Variants in IL6ST observed in about 807,000 individuals in gnomAD.
The protein encoded by IL6ST is interleukin-6 receptor subunit beta.
Under a neutral mutation model 91.3 loss-of-function variants are expected in IL6ST, and 24 were observed. The observed-to-expected ratio is 0.26, with a 90% CI of 0.19 to 0.37. The LOEUF is 0.37. Ranked by LOEUF, IL6ST falls within the 10% of genes least tolerant of loss-of-function variation. IL6ST has a pLI of 1.00. For synonymous variants in IL6ST, 351 were observed against 373.6 expected (o/e 0.94, Z 0.70); for missense variants, 914 against 1,078.5 (o/e 0.85, Z 2.14).
chr5:55,979,243 A>C (rs1182143965), intron 2 of IL6ST, among the ~76,000 whole-genome samples: 1 of 152,192 alleles, frequency 6.6e-6, no homozygotes, highest in Non-Finnish European at 1.5e-5. Flanking sequence ...AAAATTTTAA[A>C]AGAGAAAAAA....
intron 3 of IL6ST, among the ~76,000 whole-genome samples, chr5:55,970,270 G>A (rs11574767): frequency 0.014 from 2,146 of 152,276 alleles, 51 homozygotes; most frequent in African/African-American, 0.049. Flanking sequence ...GTGGAGTACA[G>A]TTGGGGTCAC....
At chr5:55,951,143 A>C (rs1257951612) in intron 14 of IL6ST, among the ~76,000 whole-genome samples, 2 of 152,110 alleles carry the variant, frequency 1.3e-5, no homozygotes, top group African/African-American at 2.4e-5. Context: ...CCTTCAAGTA[A>C]TCTCTCAATA....
At chr5:55,947,802 T>C (rs923045919) in intron 14 of IL6ST, among the ~76,000 whole-genome samples, 3 of 152,154 alleles carry the variant, frequency 2.0e-5, no homozygotes, top group African/African-American at 4.8e-5. Flanking sequence ...GTCTTATACA[T>C]TAACCTGGCC....
Position 55,941,738 on chromosome 5 carries a change from T to G in IL6ST, c.2101A>C (p.Lys701Gln), listed in dbSNP as rs1359026446. ...VSVVEIEAND[K>Q]KPFPEDLKSL... ...TTCAGATCTTCTGGAAAAGGCTTTT[T>G]GTCATTTGCTTCTATTTCCACAACA... Residue 701 changes from lysine (K) to glutamine (Q), a missense_variant, in exon 17 of 17, where the codon AAA becomes CAA. Coordinates refer to ENST00000381298, the MANE Select transcript of IL6ST (RefSeq NM_002184.4). 3 of 1,614,060 alleles carry G rather than the reference T, an allele frequency of 1.9e-6. No individual in the cohort carries two copies. Among genetic ancestry groups the G allele is most frequent in the Non-Finnish European group, 2.5e-6 (3 of 1,179,958 alleles).
chr5:55,979,881 A>G (rs530177070), intron 2 of IL6ST, among the ~76,000 whole-genome samples: 1 of 152,350 alleles, frequency 6.6e-6, no homozygotes, highest in African/African-American at 2.4e-5. Flanking sequence ...CCTGATTATG[A>G]TGGGACACTA....
chr5:55,959,159 AT>A (rs1752160720), intron 8 of IL6ST, among the ~76,000 whole-genome samples: 1 of 152,164 alleles, frequency 6.6e-6, no homozygotes, highest in Non-Finnish European at 1.5e-5. Context: ...TAACCACAAT[AT>A]TTTACCTACA....
chr5:55,973,285 AC>A (rs1315947204), intron 3 of IL6ST, among the ~76,000 whole-genome samples: 1 of 152,158 alleles, frequency 6.6e-6, no homozygotes, highest in Non-Finnish European at 1.5e-5. Flanking sequence ...TTACGATGTC[AC>A]GCATACTCTT....
chr5:55,977,211 C>T (rs371985576), intron 2 of IL6ST, among the ~76,000 whole-genome samples: 74 of 151,454 alleles, frequency 4.9e-4, no homozygotes, highest in African/African-American at 1.5e-3. Flanking sequence ...ACTGAATAAA[C>T]GAAGCCAGAC....
chr5:55,978,157 G>A (rs1308832048), intron 2 of IL6ST: 1 of 152,148 alleles, frequency 6.6e-6, no homozygotes, highest in Admixed American at 6.5e-5. Context: ...AGAAGCAAAG[G>A]ACTGTATTAC....
At chr5:55,947,171 C>T (rs1751318318) in intron 15 of IL6ST, among the ~76,000 whole-genome samples, 1 of 152,060 alleles carries the variant, frequency 6.6e-6, no homozygotes, top group Non-Finnish European at 1.5e-5. Context: ...TGCACTCCAT[C>T]CTGGGCAACA....
chr5:55,954,904 TTTC>T lies in IL6ST; in HGVS notation c.1353_1355del (p.Lys452del), dbSNP rs2111702445. On this transcript the variant is annotated inframe_deletion, in exon 11 of 17. Transcript: ENST00000381298. ...ATAACACACACCACTCAAGTATATA[TTTC>T]TTTACAGATTCCCTTGGAGTAGTCC... 6.2e-7 allele frequency: 1 copy of T among 1,613,308 alleles called. No homozygotes were observed. The highest frequency in any genetic ancestry group is 8.5e-7 in the Non-Finnish European group (1 of 1,179,338).
chr5:55,944,042 C>T (rs190375600), intron 15 of IL6ST, among the ~76,000 whole-genome samples: 259 of 152,256 alleles, frequency 1.7e-3, no homozygotes, highest in African/African-American at 5.7e-3. Flanking sequence ...TGTGCCACTG[C>T]ACTCCAGCCT....
At chr5:55,945,344 C>T (rs906486117) in intron 15 of IL6ST, among the ~76,000 whole-genome samples, 3 of 152,072 alleles carry the variant, frequency 2.0e-5, no homozygotes, top group Non-Finnish European at 4.4e-5. Flanking sequence ...GAAATAGATA[C>T]AGACTTATAA....
At chr5:55,986,171 T>TTTTCTG (rs1465543078) in intron 1 of IL6ST, among the ~76,000 whole-genome samples, 1 of 152,222 alleles carries the variant, frequency 6.6e-6, no homozygotes, top group African/African-American at 2.4e-5. Flanking sequence ...TCCTTACTGA[T>TTTTCTG]TTTCTGACTA....
In IL6ST at chr5:55,935,362, A is replaced by G. The variant is rs1459213717; in HGVS notation, c.*5720T>C. On this transcript the variant is annotated 3_prime_UTR_variant, in exon 17 of 17. Coordinates refer to ENST00000381298, the MANE Select transcript of IL6ST (RefSeq NM_002184.4). ...GAATGTCCACAGGTTTCTAAAACTAAGCTCTGGCTTCGTATCTGTTGAAAA... is the reference window on the plus strand; with the variant it reads ...GAATGTCCACAGGTTTCTAAAACTAGGCTCTGGCTTCGTATCTGTTGAAAA... 1 of 200,980 alleles carries G rather than the reference A, an allele frequency of 5.0e-6. No homozygotes were observed. The highest frequency in any genetic ancestry group is 1.0e-5 in the Non-Finnish European group (1 of 97,622). 12.4% of individuals were successfully genotyped at this position (200,980 alleles called of 1,614,324 possible). A position where few individuals can be genotyped will look rare whatever the true frequency, so the allele number is the denominator to read the frequency against.
chr5:55,956,283 T>G, intron 9 of IL6ST, 48 bp from the exon 10 acceptor site: 1 of 1,137,602 alleles, frequency 8.8e-7, no homozygotes, highest in Non-Finnish European at 1.3e-6. Flanking sequence ...AAATCTTGAA[T>G]AAAAAATCAG....
intron 1 of IL6ST, among the ~76,000 whole-genome samples, chr5:55,984,543 C>T (rs868561232): frequency 7.2e-5 from 11 of 152,138 alleles, no homozygotes; most frequent in Non-Finnish European, 1.5e-4. Context: ...ATGGCTACCA[C>T]CAGAAGCTAG....
At chr5:55,990,836 C>T (rs994468100) in intron 1 of IL6ST, among the ~76,000 whole-genome samples, 2 of 152,024 alleles carry the variant, frequency 1.3e-5, no homozygotes, top group African/African-American at 4.8e-5. Flanking sequence ...GTGTGCTGCA[C>T]CCGTTAACTA....
At chr5:55,967,355 TATGTTAAACA>T (rs1392724580) in intron 5 of IL6ST, among the ~76,000 whole-genome samples, 1 of 105,444 alleles carries the variant, frequency 9.5e-6, no homozygotes, top group African/African-American at 3.8e-5. Context: ...GACAAGGGAA[TATGTTAAACA>T]ATGTACAATG....
Sources: gnomAD v4.1 joint callset for allele counts (sites outside exome capture counted in the v4.1 genomes callset) on GRCh38, gnomAD v4.1.1 for gene constraint, MANE v1.5 for transcripts, NCBI Gene and HGNC (gene_info 2026-07-23, HGNC 2026-07-21) for gene names.